Variants in GLDN observed in about 807,000 individuals in gnomAD.
GLDN encodes collomin.
In GLDN, 47 loss-of-function variants were observed where a neutral mutation model predicts 56.5. That is an observed-to-expected ratio of 0.83 (90% CI 0.66 to 1.06). GLDN has a LOEUF of 1.06. Ranked by LOEUF, GLDN falls within the 50% of genes least tolerant of loss-of-function variation. The pLI is 0.00. For synonymous variants in GLDN, 332 were observed against 278.8 expected (o/e 1.19, Z -1.90); for missense variants, 782 against 714.3 (o/e 1.09, Z -1.08).
At chr15:51,389,856 T>C (rs1046850185) in intron 4 of GLDN, among the ~76,000 whole-genome samples, 1 of 152,126 alleles carries the variant, frequency 6.6e-6, no homozygotes, top group African/African-American at 2.4e-5. Context: ...TAGAGGGTAA[T>C]GGCCTTCAAA....
chr15:51,363,264 G>C (rs938039267), intron 1 of GLDN, among the ~76,000 whole-genome samples: 1 of 152,150 alleles, frequency 6.6e-6, no homozygotes, highest in Non-Finnish European at 1.5e-5. Flanking sequence ...TCAAGAGTCT[G>C]TCTATTCCTT....
intron 1 of GLDN, among the ~76,000 whole-genome samples, chr15:51,347,063 T>C (rs1315563382): frequency 6.6e-6 from 1 of 151,930 alleles, no homozygotes; most frequent in African/African-American, 2.4e-5. Flanking sequence ...GGACTCCATC[T>C]CAAAAAAAAC....
chr15:51,374,441 C>A (rs1306254265), intron 1 of GLDN, among the ~76,000 whole-genome samples: 2 of 152,104 alleles, frequency 1.3e-5, no homozygotes, highest in African/African-American at 4.8e-5. Flanking sequence ...AAGATAATCA[C>A]CAGAGCCATA....
At chr15:51,413,162 A>C in the GLDN span, among the ~76,000 whole-genome samples, 1 of 151,982 alleles carries the variant, frequency 6.6e-6, no homozygotes, top group African/African-American at 2.4e-5. Flanking sequence ...TTTTAGTTAT[A>C]ATTTGTGTAA....
At chr15:51,349,550 T>C (rs7167696) in intron 1 of GLDN, among the ~76,000 whole-genome samples, 22,945 of 152,300 alleles carry the variant, frequency 0.15, 1,906 homozygotes, top group South Asian at 0.26. Context: ...TAAAGTCTTA[T>C]TGGGATACAG....
In GLDN at chr15:51,406,492, T is replaced by C. The variant is rs1337260360; in HGVS notation, c.*1738T>C. On this transcript the variant is annotated 3_prime_UTR_variant, in exon 10 of 10. Coordinates refer to ENST00000335449, the MANE Select transcript of GLDN (RefSeq NM_181789.4). Reference sequence around the variant, plus strand: ...TCTCAATGGCCCTGAGTTCAATATATTATTAACAGCAGTATTTTAAAACTT... The same window carrying C: ...TCTCAATGGCCCTGAGTTCAATATACTATTAACAGCAGTATTTTAAAACTT... 3 of 152,272 alleles carry C rather than the reference T, an allele frequency of 2.0e-5. No individual in the cohort carries two copies. The highest frequency in any genetic ancestry group is 4.4e-5 in the Non-Finnish European group (3 of 68,012). The allele number at this position is 152,272 out of a possible 1,614,324, so 9.4% of individuals were successfully genotyped here. A position where few individuals can be genotyped will look rare whatever the true frequency, so the allele number is the denominator to read the frequency against.
In GLDN at chr15:51,349,133, T is replaced by C. The variant is rs2037030801; in HGVS notation, c.363+7086T>C. Among the ~76,000 whole-genome samples, 6 of 152,252 alleles carry C rather than the reference T, an allele frequency of 3.9e-5. No individual in the cohort carries two copies. In the South Asian group the frequency reaches 1.2e-3, roughly 32 times the overall value. On this transcript the variant is annotated intron_variant, in intron 1 of 9. Coordinates refer to ENST00000335449, the MANE Select transcript of GLDN (RefSeq NM_181789.4). The stretch of plus-strand genomic sequence containing the variant: ...AGGCGATTACAGCTGGATTAAGCAG[T>C]AACACATTATTATAGCAAACAGGTA...
In GLDN at chr15:51,400,212, A is replaced by G; in HGVS notation, c.838A>G (p.Asn280Asp). 6.2e-7 allele frequency: 1 copy of G among 1,614,140 alleles called. No homozygotes were observed. The highest frequency in any genetic ancestry group is 8.5e-7 in the Non-Finnish European group (1 of 1,180,006). Residue 280 changes from asparagine to aspartate, a missense_variant, in exon 7 of 10, where the codon AAT becomes GAT. Asn to Asp is a conservative substitution (Grantham distance 23, BLOSUM62 1). Transcript: ENST00000335449. ...QCPGETCAIP[N>D]DDTLVGKADE... ...TTTAGGTGAGACTTGTGCCATACCA[A>G]ATGATGATACCTTGGTTGGAAAAGC...
intron 5 of GLDN, among the ~76,000 whole-genome samples, chr15:51,396,235 C>T (rs1300051257): frequency 6.6e-6 from 1 of 152,206 alleles, no homozygotes; most frequent in Non-Finnish European, 1.5e-5. Flanking sequence ...AGATGTTCCT[C>T]AAAACAAAGA....
rs550602791 is a variant in GLDN at position 51,386,129 on chromosome 15, G to A, written c.541+2237G>A. Among the ~76,000 whole-genome samples, 7 of 152,288 alleles carry A rather than the reference G, an allele frequency of 4.6e-5. No individual in the cohort carries two copies. The East Asian group carries it at 1.4e-3, about 29-fold the overall frequency. On this transcript the variant is annotated intron_variant, in intron 4 of 9. Coordinates refer to ENST00000335449, the MANE Select transcript of GLDN (RefSeq NM_181789.4). The stretch of plus-strand genomic sequence containing the variant: ...TCTGGGAGATCTCATAGGAACTGCA[G>A]CAAAGACACCCTTCTCTACAGCAAT...
chr15:51,371,252 AAATTTGTTCAAC>A (rs2037510941), intron 1 of GLDN, among the ~76,000 whole-genome samples: 1 of 152,218 alleles, frequency 6.6e-6, no homozygotes. Flanking sequence ...TCATCCTTTA[AAATTTGTTCAAC>A]AAGACCCTTA....
intron 4 of GLDN, among the ~76,000 whole-genome samples, chr15:51,393,265 G>T (rs1327395582): frequency 1.3e-5 from 2 of 152,182 alleles, no homozygotes; most frequent in East Asian, 3.8e-4. Flanking sequence ...CACAGAGTCA[G>T]GCAGTTAAAT....
chr15:51,404,015 G>A (rs1367477892), intron 9 of GLDN, among the ~76,000 whole-genome samples: 1 of 145,642 alleles, frequency 6.9e-6, no homozygotes, highest in African/African-American at 2.6e-5. Flanking sequence ...AATTCATTCT[G>A]ACTTTGGTGA....
At chr15:51,393,011 G>A (rs905440228) in intron 4 of GLDN, among the ~76,000 whole-genome samples, 1 of 152,158 alleles carries the variant, frequency 6.6e-6, no homozygotes, top group African/African-American at 2.4e-5. Context: ...TGATATTAGG[G>A]AGAAAACATT....
At chr15:51,342,920 A>C (rs187019720) in intron 1 of GLDN, among the ~76,000 whole-genome samples, 1 of 152,222 alleles carries the variant, frequency 6.6e-6, no homozygotes, top group Admixed American at 6.5e-5. Flanking sequence ...AAGTCTTCAA[A>C]GCCTCAAAGA....
chr15:51,410,808 T>G (rs552287626), downstream of GLDN, among the ~76,000 whole-genome samples: 3 of 152,222 alleles, frequency 2.0e-5, no homozygotes, highest in Non-Finnish European at 4.4e-5. Context: ...CAAATTTAAC[T>G]GGGAGCCTTG....
chr15:51,390,628 C>T (rs999093890), intron 4 of GLDN, among the ~76,000 whole-genome samples: 1 of 152,130 alleles, frequency 6.6e-6, no homozygotes, highest in Non-Finnish European at 1.5e-5. Flanking sequence ...GGCCCCTTTC[C>T]CCCGCCTTAG....
At chr15:51,377,735 C>CTA (rs2037665672) in intron 2 of GLDN, among the ~76,000 whole-genome samples, 1 of 152,080 alleles carries the variant, frequency 6.6e-6, no homozygotes, top group Non-Finnish European at 1.5e-5. Flanking sequence ...TAATTAGAAA[C>CTA]GTGTGGTACC....
intron 5 of GLDN, among the ~76,000 whole-genome samples, chr15:51,395,952 C>G (rs948208460): frequency 1.3e-5 from 2 of 152,048 alleles, no homozygotes; most frequent in African/African-American, 4.8e-5. Flanking sequence ...GTGCCACACA[C>G]TTTTAAATGA....
Sources: gnomAD v4.1 joint callset for allele counts (sites outside exome capture counted in the v4.1 genomes callset) on GRCh38, gnomAD v4.1.1 for gene constraint, MANE v1.5 for transcripts, NCBI Gene and HGNC (gene_info 2026-07-23, HGNC 2026-07-21) for gene names.